The following ZC3H12B variants were observed in gnomAD, a reference collection of about 807,000 sequenced individuals.
ZC3H12B encodes the protein zinc finger CCCH-type containing 12B, also known as probable ribonuclease ZC3H12B.
Under a neutral mutation model 43.9 loss-of-function variants are expected in ZC3H12B, and 7 were observed. The ratio of observed to expected loss-of-function variants is 0.16; its 90% confidence interval spans 0.09 to 0.30. The LOEUF (loss-of-function observed/expected upper bound fraction) is 0.30. Ranked by LOEUF, ZC3H12B falls within the 10% of genes least tolerant of loss-of-function variation. The probability of loss-of-function intolerance (pLI) is 1.00; values close to 1 mark genes in which losing one functional copy is unlikely to be tolerated. For missense variants in ZC3H12B, 475 were observed against 670.2 expected (o/e 0.71, Z 3.22); for synonymous variants, 222 against 241.7 (o/e 0.92, Z 0.76).
At chrX:65,123,571 G>T in the ZC3H12B span, among the ~76,000 whole-genome samples, 1 of 110,490 alleles carries the variant, frequency 9.1e-6, no homozygotes, top group East Asian at 2.9e-4. Flanking sequence ...GCTTTTGGCA[G>T]TATGGTCATT....
intron 1 of ZC3H12B, 71 bp downstream of exon 6, chrX:65,489,480 C>A: frequency 1.8e-6 from 2 of 1,091,663 alleles, no homozygotes. Flanking sequence ...TCTTCCTTTG[C>A]AAATCATTAT....
At chrX:65,242,826 C>T in the ZC3H12B span, among the ~76,000 whole-genome samples, 1 of 112,263 alleles carries the variant, frequency 8.9e-6, no homozygotes, top group Non-Finnish European at 1.9e-5. Context: ...AATAAATCCA[C>T]ACATTTGCAG....
chrX:65,075,755 C>T, the ZC3H12B span, among the ~76,000 whole-genome samples: 1 of 111,922 alleles, frequency 8.9e-6, no homozygotes, highest in Non-Finnish European at 1.9e-5. Context: ...TCTCCAGATA[C>T]AGGGAAGACA....
the ZC3H12B span, among the ~76,000 whole-genome samples, chrX:65,241,189 C>G: frequency 8.9e-6 from 1 of 112,903 alleles, no homozygotes; most frequent in Non-Finnish European, 1.9e-5. Context: ...TCAGCCACCC[C>G]TCCTCCTGGG....
the ZC3H12B span, among the ~76,000 whole-genome samples, chrX:65,273,582 C>T: frequency 9.0e-6 from 1 of 111,376 alleles, no homozygotes; most frequent in Non-Finnish European, 1.9e-5. Flanking sequence ...AACAAATGGC[C>T]AGTCAAGTCC....
the ZC3H12B span, among the ~76,000 whole-genome samples, chrX:65,283,173 G>A: frequency 9.0e-6 from 1 of 111,138 alleles, no homozygotes; most frequent in Non-Finnish European, 1.9e-5. Flanking sequence ...TTCAACATAT[G>A]AAAATCAATA....
At chrX:65,352,371 C>T in the ZC3H12B span, among the ~76,000 whole-genome samples, 4 of 109,857 alleles carry the variant, frequency 3.6e-5, no homozygotes, top group East Asian at 2.9e-4. Context: ...ATGTAGGTGA[C>T]GTGTTGATTA....
the ZC3H12B span, among the ~76,000 whole-genome samples, chrX:65,324,394 G>A: frequency 1.8e-5 from 2 of 111,173 alleles, no homozygotes; most frequent in Non-Finnish European, 3.8e-5. Flanking sequence ...GAGGCATAAT[G>A]TTAGGTTGTT....
At chrX:65,396,178 T>A (rs1467066985) in intron 2 of ZC3H12B, among the ~76,000 whole-genome samples, 4 of 112,029 alleles carry the variant, frequency 3.6e-5, no homozygotes, top group Non-Finnish European at 7.5e-5. Flanking sequence ...TGTCTCTATC[T>A]TCTTCAGTTC....
At chrX:65,237,576 C>T in the ZC3H12B span, among the ~76,000 whole-genome samples, 1 of 108,714 alleles carries the variant, frequency 9.2e-6, no homozygotes. Flanking sequence ...CCTGATTTTC[C>T]TGTCCAGAAC....
chrX:65,059,136 C>G, the ZC3H12B span, among the ~76,000 whole-genome samples: 2 of 110,205 alleles, frequency 1.8e-5, no homozygotes. Flanking sequence ...CCTCAGTTCA[C>G]AATGCAGAAA....
the ZC3H12B span, among the ~76,000 whole-genome samples, chrX:65,082,006 G>A: frequency 1.8e-5 from 2 of 111,877 alleles, no homozygotes; most frequent in Non-Finnish European, 3.8e-5. Context: ...AAATTAAACA[G>A]TGTGCTCCTG....
At chrX:65,233,226 T>C in the ZC3H12B span, among the ~76,000 whole-genome samples, 6 of 111,711 alleles carry the variant, frequency 5.4e-5, no homozygotes, top group Non-Finnish European at 1.1e-4. Context: ...TTGGACTTAA[T>C]CTGGAGTATA....
chrX:65,071,197 A>G, the ZC3H12B span, among the ~76,000 whole-genome samples: 1 of 109,519 alleles, frequency 9.1e-6, no homozygotes, highest in East Asian at 2.8e-4. Context: ...ACCCTTTACC[A>G]TTATATAATG....
chrX:65,308,326 A>T, the ZC3H12B span, among the ~76,000 whole-genome samples: 1 of 110,943 alleles, frequency 9.0e-6, no homozygotes, highest in African/African-American at 3.3e-5. Context: ...AGCAAAAAAA[A>T]GCAGGGGTTG....
At chrX:65,286,560 A>T in the ZC3H12B span, among the ~76,000 whole-genome samples, 1 of 110,807 alleles carries the variant, frequency 9.0e-6, no homozygotes, top group African/African-American at 3.3e-5. Context: ...AACCTAAAAT[A>T]AAAGTTGAGA....
chrX:65,110,713 GTTTC>G, the ZC3H12B span, among the ~76,000 whole-genome samples: 1 of 111,297 alleles, frequency 9.0e-6, no homozygotes, highest in African/African-American at 3.2e-5. Context: ...AACTGTTTTA[GTTTC>G]TTTATCTTTC....
the ZC3H12B span, among the ~76,000 whole-genome samples, chrX:65,257,639 C>T: frequency 9.1e-6 from 1 of 109,397 alleles, no homozygotes; most frequent in Admixed American, 9.8e-5. Flanking sequence ...AATAGACTGC[C>T]AGATAGACTA....
the ZC3H12B span, among the ~76,000 whole-genome samples, chrX:65,245,565 A>G: frequency 1.8e-5 from 2 of 112,427 alleles, no homozygotes; most frequent in Non-Finnish European, 3.7e-5. Context: ...TTGGTTCATC[A>G]TACAAACAAA....
Sources: allele counts gnomAD v4.1 joint callset (sites outside exome capture counted in the v4.1 genomes callset), GRCh38; gene constraint gnomAD v4.1.1; transcripts MANE v1.5; gene names NCBI Gene and HGNC (gene_info 2026-07-23, HGNC 2026-07-21).